Variants in PPFIBP2 observed in about 807,000 individuals in gnomAD.
The protein encoded by PPFIBP2 is PPFIB scaffold protein 2, also known as liprin-beta-2.
PPFIBP2 carries 118 observed loss-of-function variants against 118.3 expected under a neutral mutation model. That is an observed-to-expected ratio of 1.00 (90% CI 0.86 to 1.16). PPFIBP2 has a LOEUF of 1.16. PPFIBP2 is among the 50% of genes most tolerant of loss of function. The pLI, the probability that PPFIBP2 is intolerant of heterozygous loss-of-function variation, is 0.00. For synonymous variants in PPFIBP2, 414 were observed against 397.4 expected, an observed-to-expected ratio of 1.04 and a Z score of -0.50; for missense variants, 1,195 against 1,073.1, an observed-to-expected ratio of 1.11 and a Z score of -1.59.
chr11:7,604,822 C>T (rs1847143908), intron 5 of PPFIBP2, among the ~76,000 whole-genome samples: 1 of 152,132 alleles, frequency 6.6e-6, no homozygotes, highest in Non-Finnish European at 1.5e-5. Flanking sequence ...GGAACTTACT[C>T]AAAGGCAGTA....
chr11:7,630,902 T>C lies in PPFIBP2; in HGVS notation c.965-23T>C, dbSNP rs372626263. On this transcript the variant is annotated intron_variant, in intron 10 of 23. Transcript: ENST00000299492. ...TCTGAACATGAATTCAACAATTCAG[T>C]CTTACTACCTTAATGCTTGCAGGGC... 1.9e-5 allele frequency: 29 copies of C among 1,552,962 alleles called. 1 individual carries two copies. Among genetic ancestry groups the C allele is most frequent in the Non-Finnish European group, 2.3e-5 (26 of 1,124,394 alleles).
intron 9 of PPFIBP2, among the ~76,000 whole-genome samples, chr11:7,628,961 A>G (rs563690519): frequency 4.6e-5 from 7 of 152,314 alleles, no homozygotes; most frequent in African/African-American, 1.7e-4. Context: ...AAGTTTGTCT[A>G]TGACCTGTGT....
chr11:7,590,080 A>G (rs1406374541), intron 3 of PPFIBP2, among the ~76,000 whole-genome samples: 5 of 152,250 alleles, frequency 3.3e-5, no homozygotes, highest in African/African-American at 1.2e-4. Flanking sequence ...CAGAATATAC[A>G]GATTCACCCA....
intron 5 of PPFIBP2, among the ~76,000 whole-genome samples, chr11:7,609,870 T>C (rs1847855989): frequency 6.6e-6 from 1 of 152,208 alleles, no homozygotes; most frequent in African/African-American, 2.4e-5. Flanking sequence ...GGGCTGAGCA[T>C]TGGTTGAGCC....
At chr11:7,589,055 A>C (rs893254078) in intron 3 of PPFIBP2, among the ~76,000 whole-genome samples, 4 of 152,214 alleles carry the variant, frequency 2.6e-5, no homozygotes, top group African/African-American at 9.6e-5. Flanking sequence ...GAATGAGAAG[A>C]TTGACTTTTC....
Position 7,653,361 on chromosome 11 carries a change from T to A in PPFIBP2, c.*143T>A. On this transcript the variant is annotated 3_prime_UTR_variant, in exon 24 of 24. Transcript: ENST00000299492. Reference sequence around the variant, plus strand: ...ATTGTGTACCCCTGGGCCAGTCTCTTTGAACCCTGAGGGTGGCCAGGATCT... The same window carrying A: ...ATTGTGTACCCCTGGGCCAGTCTCTATGAACCCTGAGGGTGGCCAGGATCT... 1 of 1,487,124 alleles carries A rather than the reference T, an allele frequency of 6.7e-7. No individual in the cohort carries two copies. Among genetic ancestry groups the A allele is most frequent in the Non-Finnish European group, 8.9e-7 (1 of 1,122,676 alleles). 92.1% of individuals were successfully genotyped at this position (1,487,124 alleles called of 1,614,324 possible).
chr11:7,583,230 T>A (rs1025375706), intron 3 of PPFIBP2, among the ~76,000 whole-genome samples: 1 of 152,210 alleles, frequency 6.6e-6, no homozygotes, highest in African/African-American at 2.4e-5. Flanking sequence ...TTGTATTCAT[T>A]TCCATTTGGA....
rs1357183893 is a variant in PPFIBP2, at chr11:7,547,153, G to T, written c.-36-2287G>T. ...GGATTTGTTGTGCTTTGAAGGGGCT[G>T]CTTTACGTGGTGCCGGGGGGCGGTG... On this transcript the variant is annotated intron_variant, in intron 1 of 23. Coordinates refer to ENST00000299492, the MANE Select transcript of PPFIBP2 (RefSeq NM_003621.5). Among the ~76,000 whole-genome samples the T allele has an allele frequency of 2.6e-5, 4 of 152,368 alleles. No individual in the cohort carries two copies. The South Asian group carries it at 8.3e-4, about 32-fold the overall frequency.
intron 9 of PPFIBP2, 41 bp downstream of exon 9, chr11:7,628,387 C>T (rs541545406): frequency 1.1e-5 from 18 of 1,580,418 alleles, no homozygotes; most frequent in South Asian, 8.9e-5. Flanking sequence ...TCCATGCTTA[C>T]ATCCCTGGCT....
chr11:7,574,772 C>T (rs1177089894), intron 3 of PPFIBP2, among the ~76,000 whole-genome samples: 1 of 152,176 alleles, frequency 6.6e-6, no homozygotes, highest in African/African-American at 2.4e-5. Flanking sequence ...TCCCATTTCA[C>T]TCAGCCCTTC....
intron 5 of PPFIBP2, chr11:7,606,065 G>A: frequency 6.6e-7 from 1 of 1,510,178 alleles, no homozygotes; most frequent in East Asian, 2.5e-5. Context: ...GAAGTAGGTT[G>A]GTTCCTTCGG....
intron 3 of PPFIBP2, among the ~76,000 whole-genome samples, chr11:7,583,059 C>A (rs571245876): frequency 6.6e-6 from 1 of 152,196 alleles, no homozygotes; most frequent in Non-Finnish European, 1.5e-5. Context: ...TGTTAAGATT[C>A]TTGGTGAGTT....
chr11:7,653,076 A>G lies in PPFIBP2; in HGVS notation c.2489A>G (p.Asp830Gly). 2 of 1,613,554 alleles carry G rather than the reference A, an allele frequency of 1.2e-6. No homozygotes were observed. Among genetic ancestry groups the G allele is most frequent in the East Asian group, 4.5e-5 (2 of 44,860 alleles). The change falls in exon 24 of 24, where the codon GAT (aspartate) becomes GGT (glycine). Residue 830 changes from aspartate (D) to glycine (G), a missense_variant. Coordinates refer to ENST00000299492, the MANE Select transcript of PPFIBP2 (RefSeq NM_003621.5). ...HFGNIRKKKFDESTDYICPME... is the reference protein window; with the variant it reads ...HFGNIRKKKFGESTDYICPME... ...GGAAACATAAGAAAAAAGAAGTTCG[A>G]TGAATCGACGGACTACATTTGCCCA... is the stretch of plus-strand genomic sequence containing the variant.
In PPFIBP2 at chr11:7,549,918, T is replaced by A. The variant is rs1172803571; in HGVS notation, c.64+379T>A. 2.0e-5 allele frequency among the ~76,000 whole-genome samples: 3 copies of A among 152,220 alleles called. No individual in the cohort carries two copies. In the East Asian group the frequency reaches 5.8e-4, roughly 29 times the overall value. The stretch of plus-strand genomic sequence containing the variant: ...AAATCTAGCAGACTTTGCCACCTAA[T>A]GCAGGTGTCAGCGTCCTCAGATGGT... On this transcript the variant is annotated intron_variant, in intron 2 of 23. Coordinates refer to ENST00000299492, the MANE Select transcript of PPFIBP2 (RefSeq NM_003621.5).
intron 22 of PPFIBP2, 66 bp from the exon 23 acceptor site, chr11:7,651,590 C>A: frequency 2.0e-6 from 3 of 1,469,406 alleles, no homozygotes; most frequent in South Asian, 2.6e-5. Context: ...GCCAGTCTCT[C>A]AGCATCCTCC....
chr11:7,623,912 T>C (rs572207463), intron 7 of PPFIBP2, among the ~76,000 whole-genome samples: 1 of 152,290 alleles, frequency 6.6e-6, no homozygotes, highest in Admixed American at 6.5e-5. Context: ...TTGCCCTGAG[T>C]GAGCTCTGAT....
chr11:7,557,094 T>G (rs1853720083), intron 2 of PPFIBP2, among the ~76,000 whole-genome samples: 1 of 152,200 alleles, frequency 6.6e-6, no homozygotes, highest in Admixed American at 6.5e-5. Flanking sequence ...CCTTTTTTAA[T>G]TCCATGCTTC....
chr11:7,638,056 C>G (rs921217624), intron 14 of PPFIBP2, among the ~76,000 whole-genome samples: 2 of 152,320 alleles, frequency 1.3e-5, no homozygotes, highest in Admixed American at 6.5e-5. Context: ...CCCTTCAGGT[C>G]TCTAACATCT....
chr11:7,628,682 A>G (rs534255861), intron 9 of PPFIBP2, among the ~76,000 whole-genome samples: 2 of 152,200 alleles, frequency 1.3e-5, no homozygotes, highest in Non-Finnish European at 2.9e-5. Context: ...CCAGTCTCCC[A>G]TGTGCATGAC....
Sources: gnomAD v4.1 joint callset for allele counts (sites outside exome capture counted in the v4.1 genomes callset) on GRCh38, gnomAD v4.1.1 for gene constraint, MANE v1.5 for transcripts, NCBI Gene and HGNC (gene_info 2026-07-23, HGNC 2026-07-21) for gene names.